PACRG: variants seen among roughly 807,000 people sequenced by gnomAD.
The protein encoded by PACRG is parkin coregulated gene protein.
PACRG carries 29 observed loss-of-function variants against 29.7 expected under a neutral mutation model. The ratio of observed to expected loss-of-function variants is 0.98; its 90% CI spans 0.73 to 1.33. PACRG has a LOEUF of 1.33. Among genes scored for constraint, PACRG ranks in the 40% most tolerant of loss-of-function variants. The pLI is 0.00. For missense variants in PACRG, 279 were observed against 316.2 expected (o/e 0.88, Z 0.89); for synonymous variants, 116 against 118.7 (o/e 0.98, Z 0.15).
chr6:162,779,165 G>A (rs940134563), intron 1 of PACRG, among the ~76,000 whole-genome samples: 1 of 152,136 alleles, frequency 6.6e-6, no homozygotes, highest in African/African-American at 2.4e-5. Flanking sequence ...GTTTGTTAAG[G>A]ATACCAACTT....
intron 1 of PACRG, among the ~76,000 whole-genome samples, chr6:162,732,586 G>A (rs531159094): frequency 2.0e-5 from 3 of 152,306 alleles, no homozygotes; most frequent in Non-Finnish European, 4.4e-5. Flanking sequence ...TATTAGTGAA[G>A]AAAAGGAGAG....
chr6:162,951,697 C>T (rs1799666050), intron 2 of PACRG, among the ~76,000 whole-genome samples: 1 of 152,158 alleles, frequency 6.6e-6, no homozygotes, highest in African/African-American at 2.4e-5. Flanking sequence ...CATACTTTAA[C>T]GGTTTATGTT....
Position 163,150,531 on chromosome 6 carries a change from C to A in PACRG, c.613+61123C>A, listed in dbSNP as rs143613456. 2.9e-3 allele frequency among the ~76,000 whole-genome samples: 436 copies of A among 152,358 alleles called. 2 individuals are homozygous for A. The highest frequency in any genetic ancestry group is 0.01 in the Middle Eastern group (3 of 294). ...CTTCTCTGTCAGGAACATCTCCCTC[C>A]TGTCCCCCAGCCATGGGAGTTTAAA... is the stretch of plus-strand genomic sequence containing the variant. On this transcript the variant is annotated intron_variant, in intron 4 of 4. Transcript: ENST00000366888.
At chr6:163,221,281 T>C (rs1781572763) in intron 4 of PACRG, among the ~76,000 whole-genome samples, 1 of 152,222 alleles carries the variant, frequency 6.6e-6, no homozygotes, top group Admixed American at 6.5e-5. Context: ...GATAGGAATC[T>C]TCAGGAAGCC....
chr6:163,186,239 C>T lies in PACRG; in HGVS notation c.613+96831C>T, dbSNP rs573258454. Among the ~76,000 whole-genome samples the T allele has an allele frequency of 6.6e-5, 10 of 152,328 alleles. No individual in the cohort carries two copies. In the South Asian group the frequency reaches 2.1e-3, roughly 32 times the overall value. On this transcript the variant is annotated intron_variant, in intron 4 of 4. Transcript: ENST00000366888. ...AATGGAGCCAAGGGGTGGACCCCAA[C>T]ATAGCCTGCTGGCTGCAAAGCTGCA...
At chr6:162,802,033 A>G (rs1562611743) in intron 1 of PACRG, among the ~76,000 whole-genome samples, 2 of 152,308 alleles carry the variant, frequency 1.3e-5, no homozygotes, top group East Asian at 3.9e-4. Flanking sequence ...ACATTTTCTA[A>G]TGAAAAGGAA....
intron 1 of PACRG, among the ~76,000 whole-genome samples, chr6:162,790,042 G>T (rs1209397163): frequency 1.3e-5 from 2 of 152,124 alleles, no homozygotes; most frequent in Non-Finnish European, 2.9e-5. Context: ...TTTTTGTGTT[G>T]TATCTGTGGG....
chr6:163,242,880 A>T (rs1782553250), intron 4 of PACRG, among the ~76,000 whole-genome samples: 2 of 152,350 alleles, frequency 1.3e-5, no homozygotes, highest in South Asian at 4.1e-4. Context: ...ATGAGTTGAG[A>T]TCTAAACCAA....
chr6:162,941,919 C>T (rs1798658313), intron 2 of PACRG, among the ~76,000 whole-genome samples: 1 of 152,132 alleles, frequency 6.6e-6, no homozygotes, highest in Non-Finnish European at 1.5e-5. Flanking sequence ...CTTTGCTCTA[C>T]CCAGCTGTAA....
At chr6:163,111,073 G>T (rs1014658640) in intron 4 of PACRG, among the ~76,000 whole-genome samples, 1 of 151,752 alleles carries the variant, frequency 6.6e-6, no homozygotes, top group East Asian at 1.9e-4. Context: ...AGTGCATGTT[G>T]TCATTTATAG....
chr6:162,882,935 T>C (rs947636293), intron 2 of PACRG, among the ~76,000 whole-genome samples: 2 of 152,218 alleles, frequency 1.3e-5, no homozygotes, highest in Non-Finnish European at 2.9e-5. Flanking sequence ...TTTGTGTGAA[T>C]GCTTAGCAAA....
chr6:163,181,418 G>A (rs1249794166), intron 4 of PACRG, among the ~76,000 whole-genome samples: 2 of 152,012 alleles, frequency 1.3e-5, no homozygotes, highest in African/African-American at 4.8e-5. Context: ...GGAGATGAAA[G>A]AGCCAATTCT....
At chr6:162,796,396 A>C (rs1562605912) in intron 1 of PACRG, among the ~76,000 whole-genome samples, 1 of 151,902 alleles carries the variant, frequency 6.6e-6, no homozygotes, top group African/African-American at 2.4e-5. Flanking sequence ...AATGTTTTCT[A>C]TTTTTATCTT....
At chr6:163,145,813 GC>G (rs1399750917) in intron 4 of PACRG, among the ~76,000 whole-genome samples, 11 of 152,302 alleles carry the variant, frequency 7.2e-5, no homozygotes, top group African/African-American at 2.6e-4. Context: ...TTAGCAGAAG[GC>G]CCTGGCCTGG....
intron 2 of PACRG, among the ~76,000 whole-genome samples, chr6:162,968,628 A>G (rs1475905642): frequency 6.6e-6 from 1 of 152,246 alleles, no homozygotes. Context: ...AAGCCTAGTA[A>G]TGAAGGAACC....
intron 2 of PACRG, among the ~76,000 whole-genome samples, chr6:162,852,411 C>T (rs1396635658): frequency 6.6e-6 from 1 of 152,232 alleles, no homozygotes; most frequent in African/African-American, 2.4e-5. Context: ...CCAGCGCAGG[C>T]TGAGAGGCTA....
intron 3 of PACRG, among the ~76,000 whole-genome samples, chr6:163,078,983 G>C (rs962694221): frequency 1.3e-5 from 2 of 151,824 alleles, no homozygotes; most frequent in Admixed American, 6.5e-5. Flanking sequence ...ACGCTGGGAG[G>C]GTGAGGGGCC....
At chr6:163,002,361 T>C (rs1804668953) in intron 2 of PACRG, among the ~76,000 whole-genome samples, 3 of 152,184 alleles carry the variant, frequency 2.0e-5, no homozygotes, top group South Asian at 4.1e-4. Context: ...GACTCATCTG[T>C]TTATCTTTAA....
rs117233835 is a variant in PACRG, at chr6:163,025,445, C to T, written c.292-36705C>T. Among the ~76,000 whole-genome samples, 6 of 152,264 alleles carry T rather than the reference C, an allele frequency of 3.9e-5. No homozygotes were observed. In the East Asian group the frequency reaches 7.7e-4, roughly 20 times the overall value. On this transcript the variant is annotated intron_variant, in intron 2 of 4. Coordinates refer to ENST00000366888, the MANE Select transcript of PACRG (RefSeq NM_001080379.2). ...GTAGCATTTCTATACGCCAGCAACA[C>T]GCAGGCTGAGAGTGATATCAAGAGC... is the stretch of plus-strand genomic sequence containing the variant.
Sources: gnomAD v4.1 joint callset for allele counts (sites outside exome capture counted in the v4.1 genomes callset) on GRCh38, gnomAD v4.1.1 for gene constraint, MANE v1.5 for transcripts, NCBI Gene and HGNC (gene_info 2026-07-23, HGNC 2026-07-21) for gene names.